Variants in LMBR1 observed in about 807,000 individuals in gnomAD.
The protein encoded by LMBR1 is limb development membrane protein 1.
Under a neutral mutation model 73.9 loss-of-function variants are expected in LMBR1, and 52 were observed. The ratio of observed to expected loss-of-function variants is 0.70; its 90% CI spans 0.56 to 0.89. LMBR1 has a LOEUF of 0.89. Ranked by LOEUF, LMBR1 falls within the 40% of genes least tolerant of loss-of-function variation. The pLI is 0.00. For synonymous variants in LMBR1, 215 were observed against 209.4 expected, an observed-to-expected ratio of 1.03 and a Z score of -0.23; for missense variants, 539 against 579.8, an observed-to-expected ratio of 0.93 and a Z score of 0.72.
At chr7:156,827,483 A>G (rs1487316041) in intron 3 of LMBR1, among the ~76,000 whole-genome samples, 1 of 152,186 alleles carries the variant, frequency 6.6e-6, no homozygotes, top group African/African-American at 2.4e-5. Context: ...CATAACATGT[A>G]ACAATCCCAT....
At chr7:156,695,581 A>C (rs1259979149) in intron 15 of LMBR1, among the ~76,000 whole-genome samples, 1 of 152,106 alleles carries the variant, frequency 6.6e-6, no homozygotes, top group Non-Finnish European at 1.5e-5. Context: ...CAGGTCTCAC[A>C]ATAACTCACT....
intron 3 of LMBR1, among the ~76,000 whole-genome samples, chr7:156,829,917 T>G (rs1836374383): frequency 6.6e-6 from 1 of 152,194 alleles, no homozygotes; most frequent in Non-Finnish European, 1.5e-5. Context: ...TATCCTCAGG[T>G]GCTTCTGCTC....
chr7:156,808,813 G>A lies in LMBR1; in HGVS notation c.320-12321C>T, dbSNP rs185421075. 4.5e-3 allele frequency among the ~76,000 whole-genome samples: 679 copies of A among 152,022 alleles called. 6 individuals carry two copies. Among genetic ancestry groups the A allele is most frequent in the Non-Finnish European group, 4.3e-3 (292 of 67,958 alleles). On this transcript the variant is annotated intron_variant, in intron 4 of 16. Coordinates refer to ENST00000353442, the MANE Select transcript of LMBR1 (RefSeq NM_022458.4). ...CTGCCTTCAGATGATTTTATTGGCT[G>A]CTCTGCCAATGAAATAGCCATTCCT...
At chr7:156,830,711 C>T (rs1304150635) in intron 3 of LMBR1, among the ~76,000 whole-genome samples, 4 of 152,194 alleles carry the variant, frequency 2.6e-5, no homozygotes, top group African/African-American at 9.7e-5. Flanking sequence ...CTTCCTAATA[C>T]GTCACTCTAA....
downstream of LMBR1, among the ~76,000 whole-genome samples, chr7:156,673,442 A>C (rs766885394): frequency 9.2e-5 from 14 of 152,366 alleles, no homozygotes; most frequent in Non-Finnish European, 2.1e-4. Context: ...AGGAATAAAG[A>C]AAATTAAAAT....
intron 4 of LMBR1, among the ~76,000 whole-genome samples, chr7:156,824,410 T>C (rs932577895): frequency 1.3e-5 from 2 of 152,192 alleles, no homozygotes; most frequent in African/African-American, 4.8e-5. Context: ...ATCTTACATA[T>C]AAAACTAGTA....
intron 5 of LMBR1, among the ~76,000 whole-genome samples, chr7:156,786,197 G>A (rs548171345): frequency 6.8e-6 from 1 of 146,486 alleles, no homozygotes; most frequent in East Asian, 2.0e-4. Flanking sequence ...GAAGGAGGTA[G>A]GGAAGGGAAG....
Position 156,891,211 on chromosome 7 carries a change from A to AAT in LMBR1, c.66+1715_66+1716dup, listed in dbSNP as rs1162520790. On this transcript the variant is annotated intron_variant, in intron 1 of 16. Coordinates refer to ENST00000353442, the MANE Select transcript of LMBR1 (RefSeq NM_022458.4). Reference sequence around the variant, plus strand: ...ATCACAAAAAAAAAAAAAAAAAAAAAATATATATATATATATATATATACA... The same window carrying AAT: ...ATCACAAAAAAAAAAAAAAAAAAAAAATATATATATATATATATATATATACA... Among the ~76,000 whole-genome samples, 163 of 81,478 alleles carry AAT rather than the reference A, an allele frequency of 2.0e-3. 2 individuals carry two copies. Among genetic ancestry groups the AAT allele is most frequent in the East Asian group, 0.013 (35 of 2,666 alleles). The allele number at this position is 81,478 out of a possible 152,430, so 53.5% of individuals were successfully genotyped here. A position where few individuals can be genotyped will look rare whatever the true frequency, so the allele number is the denominator to read the frequency against.
At position 156,826,637 on chromosome 7, in the gene LMBR1, T is replaced by C. The variant is rs754763256; in HGVS notation, c.287A>G (p.Tyr96Cys). Residue 96 changes from tyrosine (Y) to cysteine (C), a missense_variant, in exon 4 of 17, where the codon TAT becomes TGT. Tyr to Cys is a radical substitution (Grantham distance 194, BLOSUM62 -2). Around this residue, in one of 3 missense-constraint regions of LMBR1, gnomAD observed 454 missense variants for 473.4 expected, o/e 0.96. Transcript: ENST00000353442. Reference protein sequence around the residue: ...EILLSFPQNYYIQWLNGSLIH... With the variant: ...EILLSFPQNYCIQWLNGSLIH... ...CAGGGAGCCATTTAGCCACTGAATA[T>C]AGTAGTTCTGAGGAAAAGAAAGCAG... 1.8e-5 allele frequency: 28 copies of C among 1,589,562 alleles called. No homozygotes were observed. The highest frequency in any genetic ancestry group is 2.2e-5 in the Non-Finnish European group (26 of 1,165,856).
rs561554265 is a variant in LMBR1, at chr7:156,833,683, T to C, written c.179+70A>G. 232 of 1,161,624 alleles carry C rather than the reference T, an allele frequency of 2.0e-4. 1 individual carries two copies. The South Asian group carries it at 2.8e-3, about 14-fold the overall frequency. The allele number at this position is 1,161,624 out of a possible 1,614,324, so 72.0% of individuals were successfully genotyped here. On this transcript the variant is annotated intron_variant, in intron 3 of 16. Transcript: ENST00000353442. ...TATTTTCCATACTTCTATCCAAAAA[T>C]TAGAATTGGATTTTGAGAATTGATG...
At chr7:156,697,093 G>C (rs182113543) in intron 15 of LMBR1, among the ~76,000 whole-genome samples, 2 of 152,284 alleles carry the variant, frequency 1.3e-5, no homozygotes, top group Admixed American at 6.5e-5. Context: ...TAGCTGGGCC[G>C]CCAGGGGTGA....
At chr7:156,740,270 A>G (rs1818657735) in intron 9 of LMBR1, among the ~76,000 whole-genome samples, 1 of 152,150 alleles carries the variant, frequency 6.6e-6, no homozygotes, top group Non-Finnish European at 1.5e-5. Context: ...GCCTAAAAGG[A>G]GCAAATCTAA....
chr7:156,875,119 A>G (rs1301396239), intron 1 of LMBR1, among the ~76,000 whole-genome samples: 2 of 152,206 alleles, frequency 1.3e-5, no homozygotes, highest in African/African-American at 2.4e-5. Flanking sequence ...TCAAAGCTTC[A>G]GGAAATAAAG....
intron 9 of LMBR1, among the ~76,000 whole-genome samples, chr7:156,734,746 T>C (rs1817533681): frequency 6.6e-6 from 1 of 152,226 alleles, no homozygotes. Context: ...CAAAAGCAAC[T>C]TGGGCTTACT....
At chr7:156,703,329 C>T (rs1443216983) in intron 15 of LMBR1, among the ~76,000 whole-genome samples, 2 of 152,184 alleles carry the variant, frequency 1.3e-5, no homozygotes, top group Non-Finnish European at 2.9e-5. Context: ...GAGAAATGAG[C>T]ATGACCTGGG....
chr7:156,879,525 G>C (rs1011347623), intron 1 of LMBR1, among the ~76,000 whole-genome samples: 1 of 151,974 alleles, frequency 6.6e-6, no homozygotes. Context: ...TTAGCCAGGC[G>C]TGGTGGCAGG....
chr7:156,807,685 G>C (rs1478448030), intron 4 of LMBR1, among the ~76,000 whole-genome samples: 5 of 151,976 alleles, frequency 3.3e-5, no homozygotes, highest in Non-Finnish European at 7.4e-5. Context: ...TCCCTTCTTT[G>C]GGATCTATTC....
At chr7:156,763,878 A>C in intron 5 of LMBR1, 83 bp from the exon 6 acceptor site, 1 of 1,129,098 alleles carries the variant, frequency 8.9e-7, no homozygotes, top group East Asian at 2.8e-5. Flanking sequence ...GAAAGCATAA[A>C]ATAATCCCTT....
chr7:156,671,662 A>T (rs1290012830), intron 4 of LMBR1, among the ~76,000 whole-genome samples: 1 of 152,162 alleles, frequency 6.6e-6, no homozygotes, highest in Non-Finnish European at 1.5e-5. Flanking sequence ...TGTTTGCGGT[A>T]CAGGCGGTCC....
Sources: allele counts gnomAD v4.1 joint callset (sites outside exome capture counted in the v4.1 genomes callset), GRCh38; gene constraint gnomAD v4.1.1; regional missense constraint gnomAD v4.1.1; transcripts MANE v1.5; gene names NCBI Gene and HGNC (gene_info 2026-07-23, HGNC 2026-07-21).